AXDND1: variants seen among roughly 807,000 people sequenced by gnomAD.
AXDND1 encodes the protein axonemal dynein light chain domain containing 1.
A neutral mutation model predicts 137.5 loss-of-function variants in AXDND1; 110 were observed. The ratio of observed to expected loss-of-function variants is 0.80; its 90% CI spans 0.69 to 0.94. The LOEUF (loss-of-function observed/expected upper bound fraction) is 0.94, where lower values mean the gene tolerates loss of function less well. Among genes scored for constraint, AXDND1 ranks in the 40% least tolerant of loss-of-function variants. The probability of loss-of-function intolerance (pLI) is 0.00; values close to 1 mark genes in which losing one functional copy is unlikely to be tolerated. For synonymous variants in AXDND1, 414 were observed against 399.7 expected, an observed-to-expected ratio of 1.04 and a Z score of -0.43; for missense variants, 1,191 against 1,169.8, an observed-to-expected ratio of 1.02 and a Z score of -0.26.
Position 179,444,997 on chromosome 1 carries a change from A to C in AXDND1, c.1591A>C (p.Thr531Pro). 1 of 1,610,820 alleles carries C rather than the reference A, an allele frequency of 6.2e-7. No individual in the cohort carries two copies. Among genetic ancestry groups the C allele is most frequent in the South Asian group, 1.1e-5 (1 of 90,860 alleles). The change falls in exon 16 of 26, where the codon ACT (threonine) becomes CCT (proline). Residue 531 changes from threonine to proline, a missense_variant. Transcript: ENST00000367618. ...KILNEKKEEF[T>P]GDVLLSKYDT... ...CCTGAATGAGAAAAAAGAAGAGTTTACTGGGGATGTTCTACTGTCAAAATA... is the reference window on the plus strand; with the variant it reads ...CCTGAATGAGAAAAAAGAAGAGTTTCCTGGGGATGTTCTACTGTCAAAATA...
intron 17 of AXDND1, among the ~76,000 whole-genome samples, chr1:179,472,483 G>T (rs968830394): frequency 2.0e-5 from 3 of 152,186 alleles, no homozygotes; most frequent in Admixed American, 6.6e-5. Context: ...TTTTATTGGA[G>T]AAAGTGTTCT....
intron 16 of AXDND1, among the ~76,000 whole-genome samples, chr1:179,462,257 G>A (rs1392313773): frequency 6.6e-6 from 1 of 152,090 alleles, no homozygotes; most frequent in Non-Finnish European, 1.5e-5. Context: ...TAACATGAAG[G>A]GCTGCTGAAT....
chr1:179,486,677 A>C (rs1361830447), intron 18 of AXDND1, among the ~76,000 whole-genome samples: 2 of 148,976 alleles, frequency 1.3e-5, no homozygotes, highest in African/African-American at 2.5e-5. Context: ...GCTTATGTTC[A>C]GCATTCTTAG....
intron 16 of AXDND1, among the ~76,000 whole-genome samples, chr1:179,463,819 T>C (rs1003594424): frequency 6.6e-6 from 1 of 152,160 alleles, no homozygotes; most frequent in Non-Finnish European, 1.5e-5. Flanking sequence ...TGGGTGCATA[T>C]ATATTTAGGA....
chr1:179,497,872 G>T (rs1391442096), intron 20 of AXDND1, among the ~76,000 whole-genome samples: 2 of 152,028 alleles, frequency 1.3e-5, no homozygotes, highest in African/African-American at 4.8e-5. Context: ...ATAATGTCCA[G>T]GCTGAGAGTG....
chr1:179,530,173 G>A (rs1485690623), intron 23 of AXDND1, among the ~76,000 whole-genome samples: 1 of 152,068 alleles, frequency 6.6e-6, no homozygotes, highest in Non-Finnish European at 1.5e-5. Flanking sequence ...GGGATTACAG[G>A]TGCCCACCAC....
intron 11 of AXDND1, among the ~76,000 whole-genome samples, chr1:179,397,496 G>T (rs942103571): frequency 2.6e-5 from 4 of 152,112 alleles, no homozygotes; most frequent in Non-Finnish European, 1.5e-5. Flanking sequence ...ATTGTACTAG[G>T]GTTTTCTGCA....
chr1:179,509,783 G>A (rs1668856955), intron 21 of AXDND1, among the ~76,000 whole-genome samples: 1 of 152,026 alleles, frequency 6.6e-6, no homozygotes, highest in African/African-American at 2.4e-5. Context: ...CATGTCCAAT[G>A]TCTTCTCTGT....
Position 179,533,618 on chromosome 1 carries a change from G to C in AXDND1, c.2716-177G>C, listed in dbSNP as rs189174579. Among the ~76,000 whole-genome samples the C allele has an allele frequency of 4.2e-3, 580 of 137,766 alleles. 1 individual carries two copies. Among genetic ancestry groups the C allele is most frequent in the African/African-American group, 0.01 (392 of 38,182 alleles). The allele number at this position is 137,766 out of a possible 152,430, so 90.4% of individuals were successfully genotyped here. On this transcript the variant is annotated intron_variant, in intron 23 of 25. Coordinates refer to ENST00000367618, the MANE Select transcript of AXDND1 (RefSeq NM_144696.6). Reference sequence around the variant, plus strand: ...GAAGCTTCTATGCTATTTGACCAGAGACAATCCCTTTTTTTTTTTTTTTTT... The same window carrying C: ...GAAGCTTCTATGCTATTTGACCAGACACAATCCCTTTTTTTTTTTTTTTTT...
chr1:179,541,319 T>C (rs1672115724), intron 25 of AXDND1, among the ~76,000 whole-genome samples: 1 of 152,142 alleles, frequency 6.6e-6, no homozygotes, highest in African/African-American at 2.4e-5. Flanking sequence ...GCTTTGGCTC[T>C]CCCTCCATGG....
At chr1:179,538,146 C>A (rs1671745226) in intron 25 of AXDND1, among the ~76,000 whole-genome samples, 2 of 152,052 alleles carry the variant, frequency 1.3e-5, no homozygotes, top group African/African-American at 4.8e-5. Context: ...GAAACCAGCT[C>A]CTGGATTCAT....
chr1:179,398,148 A>G (rs892461990), intron 11 of AXDND1, among the ~76,000 whole-genome samples: 3 of 151,950 alleles, frequency 2.0e-5, no homozygotes, highest in Admixed American at 2.0e-4. Flanking sequence ...GAAGTTGCTG[A>G]TGTTTGGGTG....
chr1:179,389,413 T>C (rs1285400803), intron 9 of AXDND1, among the ~76,000 whole-genome samples: 1 of 152,226 alleles, frequency 6.6e-6, no homozygotes, highest in Non-Finnish European at 1.5e-5. Context: ...GGAGCTAATA[T>C]TTCACTGACC....
rs539819832 is a variant in AXDND1, at chr1:179,542,893, G to A, written c.3031+7931G>A. 2.0e-5 allele frequency among the ~76,000 whole-genome samples: 3 copies of A among 152,308 alleles called. No homozygotes were observed. In the East Asian group the frequency reaches 5.8e-4, roughly 29 times the overall value. ...AATCATTGCCAGGGGGCTCTGAAGT[G>A]GAAGATGAGACGCCTTGCAAAGCTC... On this transcript the variant is annotated intron_variant, in intron 25 of 25. Transcript: ENST00000367618.
intron 16 of AXDND1, chr1:179,450,537 T>A (rs1424523501): frequency 7.2e-6 from 1 of 139,098 alleles, no homozygotes; most frequent in African/African-American, 2.7e-5. Flanking sequence ...TACATGAAAA[T>A]GTGTGGGATT....
At chr1:179,529,784 C>A (rs1670885196) in intron 23 of AXDND1, among the ~76,000 whole-genome samples, 1 of 152,172 alleles carries the variant, frequency 6.6e-6, no homozygotes, top group South Asian at 2.1e-4. Context: ...ATTTTTCCCA[C>A]AAAAGACAGC....
intron 21 of AXDND1, among the ~76,000 whole-genome samples, chr1:179,515,097 G>A (rs965844810): frequency 2.0e-5 from 3 of 151,960 alleles, no homozygotes; most frequent in African/African-American, 7.2e-5. Flanking sequence ...TCCATTCATC[G>A]TGCTATTTGT....
intron 20 of AXDND1, among the ~76,000 whole-genome samples, chr1:179,505,925 T>C (rs1668498949): frequency 6.6e-6 from 1 of 152,170 alleles, no homozygotes; most frequent in Non-Finnish European, 1.5e-5. Flanking sequence ...AGGACTCAGT[T>C]CTGAGAATCC....
chr1:179,446,326 A>G (rs545071964), intron 16 of AXDND1, among the ~76,000 whole-genome samples: 3 of 152,336 alleles, frequency 2.0e-5, no homozygotes, highest in South Asian at 2.1e-4. Context: ...AGAATTCTAG[A>G]CAAATGTCCA....
Sources: gnomAD v4.1 joint callset for allele counts (sites outside exome capture counted in the v4.1 genomes callset) on GRCh38, gnomAD v4.1.1 for gene constraint, MANE v1.5 for transcripts, NCBI Gene and HGNC (gene_info 2026-07-23, HGNC 2026-07-21) for gene names.